The following C8B variants were observed in gnomAD, a reference collection of about 807,000 sequenced individuals.
C8B encodes complement component C8 beta chain.
C8B carries 67 observed loss-of-function variants against 64.6 expected under a neutral mutation model. The observed-to-expected ratio is 1.04, with a 90% confidence interval of 0.85 to 1.27. The LOEUF (loss-of-function observed/expected upper bound fraction) is 1.27. C8B is among the 50% of genes most tolerant of loss of function. The pLI is 0.00. For missense variants in C8B, 790 were observed against 725.2 expected (o/e 1.09, Z -1.03); for synonymous variants, 284 against 257.7 (o/e 1.10, Z -0.98).
At chr1:56,930,434 G>A (rs866274355) in intron 11 of C8B, among the ~76,000 whole-genome samples, 64 of 152,152 alleles carry the variant, frequency 4.2e-4, no homozygotes, top group African/African-American at 1.5e-3. Flanking sequence ...AAATAAGAGA[G>A]CTGGAGTGCA....
chr1:56,954,772 C>T lies in C8B; in HGVS notation c.447G>A (p.Gln149=), dbSNP rs762632466. Residue 149 remains glutamine (Q), a synonymous_variant, in exon 4 of 12, where the codon CAG becomes CAA. Transcript: ENST00000371237. ...LCNGDNDCGD[Q]SDEANCRRIY... ...TCCTTCTACAGTTTGCTTCATCTGA[C>T]TGGTCTCCACAGTCATTGTCCCCAT... 23 of 1,614,092 alleles carry T rather than the reference C, an allele frequency of 1.4e-5. No individual in the cohort carries two copies. In the East Asian group the frequency reaches 4.9e-4, roughly 34 times the overall value.
chr1:56,929,667 T>A, intron 11 of C8B, 109 bp from the exon 12 acceptor site: 1 of 1,003,120 alleles, frequency 1.0e-6, no homozygotes, highest in Non-Finnish European at 1.5e-6. Flanking sequence ...TCTGAATCTC[T>A]GAGCTCCCTG....
intron 7 of C8B, among the ~76,000 whole-genome samples, chr1:56,945,381 C>T (rs924595342): frequency 6.6e-6 from 1 of 152,146 alleles, no homozygotes; most frequent in African/African-American, 2.4e-5. Flanking sequence ...TTGGTGGAAC[C>T]GTTTCTGAGA....
At chr1:56,931,317 G>T (rs1644697391) in intron 11 of C8B, among the ~76,000 whole-genome samples, 1 of 152,130 alleles carries the variant, frequency 6.6e-6, no homozygotes, top group Admixed American at 6.5e-5. Flanking sequence ...AATGGGACAT[G>T]GTCCCTACTC....
At chr1:56,963,325 G>A (rs184826742) in intron 1 of C8B, among the ~76,000 whole-genome samples, 10 of 152,212 alleles carry the variant, frequency 6.6e-5, no homozygotes, top group African/African-American at 1.2e-4. Context: ...TTTGGCTTTC[G>A]GTAGAAATGC....
At position 56,952,139 on chromosome 1, in the gene C8B, T is replaced by G; in HGVS notation, c.575A>C (p.Asp192Ala). 6.2e-7 allele frequency: 1 copy of G among 1,614,176 alleles called. No homozygotes were observed. The highest frequency in any genetic ancestry group is 1.3e-5 in the African/African-American group (1 of 75,052). ...GCATCCACCTGCATAATACCTGTGA[T>G]CAAGAACTGGGCCCTCAAAACTGTT... ...FTNSFEGPVLDHRYYAGGCSP... is the reference protein window; with the variant it reads ...FTNSFEGPVLAHRYYAGGCSP... Residue 192 changes from aspartate (D) to alanine (A), a missense_variant, in exon 5 of 12, where the codon GAT becomes GCT. Coordinates refer to ENST00000371237, the MANE Select transcript of C8B (RefSeq NM_000066.4).
chr1:56,962,779 G>A (rs911992402), intron 1 of C8B, among the ~76,000 whole-genome samples: 2 of 152,116 alleles, frequency 1.3e-5, no homozygotes, highest in Non-Finnish European at 2.9e-5. Flanking sequence ...CCATGAATTT[G>A]GTGTGTTTCC....
chr1:56,952,200 A>T lies in C8B; in HGVS notation c.534-20T>A. 1 of 1,613,948 alleles carries T rather than the reference A, an allele frequency of 6.2e-7. No individual in the cohort carries two copies. The stretch of plus-strand genomic sequence containing the variant: ...TTTATCCTGTGAGGAAGAGACAGAG[A>T]TGGCGAAGAGGTTAAAGTTTGCGGT... On this transcript the variant is annotated intron_variant, in intron 4 of 11. Coordinates refer to ENST00000371237, the MANE Select transcript of C8B (RefSeq NM_000066.4).
intron 6 of C8B, 149 bp downstream of exon 6, chr1:56,949,406 A>C (rs1644987890): frequency 1.4e-6 from 1 of 725,754 alleles, no homozygotes; most frequent in African/African-American, 1.8e-5. Context: ...TATATGTGGC[A>C]CCTTGATCTT....
chr1:56,962,776 T>G (rs1645196471), intron 1 of C8B, among the ~76,000 whole-genome samples: 3 of 152,200 alleles, frequency 2.0e-5, no homozygotes, highest in Admixed American at 1.3e-4. Flanking sequence ...TTGCCATGAA[T>G]TTGGTGTGTT....
At chr1:56,949,941 T>G (rs1644997127) in intron 5 of C8B, among the ~76,000 whole-genome samples, 189 bp from the exon 6 acceptor site, 1 of 152,120 alleles carries the variant, frequency 6.6e-6, no homozygotes, top group South Asian at 2.1e-4. Context: ...ACAGACCTGA[T>G]CAATACCTTG....
chr1:56,956,754 T>C lies in C8B; in HGVS notation c.391+15A>G. ...ATTTCAGGCTTTCCCCTCTTACTCC[T>C]ACATTGATTTATACCTGTCTGTGCA... On this transcript the variant is annotated intron_variant, in intron 3 of 11. Coordinates refer to ENST00000371237, the MANE Select transcript of C8B (RefSeq NM_000066.4). 1 of 1,613,720 alleles carries C rather than the reference T, an allele frequency of 6.2e-7. No homozygotes were observed. The highest frequency in any genetic ancestry group is 8.5e-7 in the Non-Finnish European group (1 of 1,179,854).
rs141080260 is a variant in C8B at position 56,932,858 on chromosome 1, C to T, written c.1552+477G>A. On this transcript the variant is annotated intron_variant, in intron 10 of 11. Coordinates refer to ENST00000371237, the MANE Select transcript of C8B (RefSeq NM_000066.4). ...CCTGTTTTGTGTGCTGGGCTGGCCT[C>T]TTTTTTAGAGTCTTGCTAGGCTATC... Among the ~76,000 whole-genome samples the T allele has an allele frequency of 2.9e-3, 436 of 152,200 alleles. 1 individual carries two copies. Among genetic ancestry groups the T allele is most frequent in the African/African-American group, 0.01 (422 of 41,534 alleles).
chr1:56,931,055 T>C (rs1353175684), intron 11 of C8B, among the ~76,000 whole-genome samples: 2 of 152,198 alleles, frequency 1.3e-5, no homozygotes, highest in Non-Finnish European at 2.9e-5. Flanking sequence ...GTGTCTATTA[T>C]ATAGTAAAGT....
intron 3 of C8B, among the ~76,000 whole-genome samples, chr1:56,955,467 A>C (rs532170447): frequency 2.0e-5 from 3 of 152,270 alleles, no homozygotes. Context: ...TTTCCTCCTG[A>C]TTGATTTCCT....
At chr1:56,951,907 G>A in intron 5 of C8B, 141 bp downstream of exon 5, 2 of 863,390 alleles carry the variant, frequency 2.3e-6, no homozygotes, top group South Asian at 2.9e-5. Context: ...AATGTCTGGA[G>A]GAAGGAACTG....
rs906797461 is a variant in C8B at position 56,960,281 on chromosome 1, C to G, written c.93-105G>C. The G allele has an allele frequency of 2.9e-6, 3 of 1,045,932 alleles. No individual in the cohort carries two copies. The African/African-American group carries it at 4.7e-5, about 16-fold the overall frequency. The allele number at this position is 1,045,932 out of a possible 1,614,324, so 64.8% of individuals were successfully genotyped here. On this transcript the variant is annotated intron_variant, in intron 1 of 11. Transcript: ENST00000371237. ...ATAAATATATATTTGCTCACTTGTG[C>G]AAGGCTATTAGTTTATCATTCCAGG... is the stretch of plus-strand genomic sequence containing the variant.
chr1:56,946,154 G>T, intron 6 of C8B, 93 bp from the exon 7 acceptor site: 1 of 1,464,228 alleles, frequency 6.8e-7, no homozygotes, highest in Non-Finnish European at 9.4e-7. Context: ...CGATGTTCTT[G>T]GCCTGGGGTC....
chr1:56,965,751 A>C (rs1645246496), intron 1 of C8B, 106 bp downstream of exon 1: 1 of 1,225,768 alleles, frequency 8.2e-7, no homozygotes, highest in Admixed American at 1.7e-5. Context: ...GCCTTAAGAG[A>C]CGTTCCTCAT....
Sources: allele counts gnomAD v4.1 joint callset (sites outside exome capture counted in the v4.1 genomes callset), GRCh38; gene constraint gnomAD v4.1.1; transcripts MANE v1.5; gene names NCBI Gene and HGNC (gene_info 2026-07-23, HGNC 2026-07-21).